Variants in SPAG1 observed in about 807,000 individuals in gnomAD.
The protein encoded by SPAG1 is sperm-associated antigen 1.
SPAG1 carries 69 observed loss-of-function variants against 100.5 expected under a neutral mutation model. That is an observed-to-expected ratio of 0.69 (90% confidence interval 0.57 to 0.84). SPAG1 has a LOEUF of 0.84. Among genes scored for constraint, SPAG1 ranks in the 40% least tolerant of loss-of-function variants. The pLI is 0.00. For missense variants in SPAG1, 955 were observed against 1,133.1 expected, an observed-to-expected ratio of 0.84 and a Z score of 2.26; for synonymous variants, 336 against 411.6, an observed-to-expected ratio of 0.82 and a Z score of 2.22.
In SPAG1 at chr8:100,175,171, T is replaced by C. The variant is rs141182247; in HGVS notation, c.301-2645T>C. On this transcript the variant is annotated intron_variant, in intron 3 of 18. Coordinates refer to ENST00000388798, the MANE Select transcript of SPAG1 (RefSeq NM_003114.5). Reference sequence around the variant, plus strand: ...CCTGGCTTAATGGCTTTTTCTATAATAATGATGGCATCTTCAATGGTGTAG... The same window carrying C: ...CCTGGCTTAATGGCTTTTTCTATAACAATGATGGCATCTTCAATGGTGTAG... Among the ~76,000 whole-genome samples, 907 of 152,098 alleles carry C rather than the reference T, an allele frequency of 6.0e-3. 4 individuals are homozygous for C. The highest frequency in any genetic ancestry group is 9.2e-3 in the Non-Finnish European group (625 of 67,976).
At chr8:100,168,176 G>A (rs1815649224) in intron 3 of SPAG1, among the ~76,000 whole-genome samples, 2 of 152,170 alleles carry the variant, frequency 1.3e-5, no homozygotes, top group Admixed American at 1.3e-4. Flanking sequence ...AATCCTGACA[G>A]CAATATATAA....
chr8:100,166,936 A>C (rs59489005), intron 3 of SPAG1, among the ~76,000 whole-genome samples: 3,309 of 152,210 alleles, frequency 0.022, 104 homozygotes, highest in African/African-American at 0.073. Flanking sequence ...AGAGAAAAAG[A>C]ATTTAAATTG....
At chr8:100,165,300 G>T in intron 2 of SPAG1, 1 of 514,660 alleles carries the variant, frequency 1.9e-6, no homozygotes, top group Non-Finnish European at 3.9e-6. Context: ...GCAGGTCTGT[G>T]CAGGATTTTT....
rs139376770 is a variant in SPAG1 at position 100,225,274 on chromosome 8, C to T, written c.1790C>T (p.Pro597Leu). The T allele has an allele frequency of 3.5e-5, 56 of 1,613,772 alleles. No individual in the cohort carries two copies. In the African/African-American group the frequency reaches 4.7e-4, roughly 13 times the overall value. ...TCTGTGCCACTGCAAGCTTGGCATC[C>T]GGCAAAAGAGATGATCTCAAAACAA... ...PASVPLQAWH[P>L]AKEMISKQAG... The change falls in exon 14 of 19, where the codon CCG (proline) becomes CTG (leucine). Residue 597 changes from proline (P) to leucine (L), a missense_variant. By Grantham distance (98) the Pro-to-Leu change is moderately conservative. Transcript: ENST00000388798.
At chr8:100,175,284 C>CTTT (rs1329134913) in intron 3 of SPAG1, among the ~76,000 whole-genome samples, 4 of 126,410 alleles carry the variant, frequency 3.2e-5, no homozygotes, top group Non-Finnish European at 5.1e-5. Context: ...CAGTGAAGTT[C>CTTT]TTTTTTTTTT....
rs34049816 is a variant in SPAG1, at chr8:100,227,841, A to ATTTTT, written c.1855+2521_1855+2525dup. 8.1e-4 allele frequency among the ~76,000 whole-genome samples: 84 copies of ATTTTT among 103,762 alleles called. 1 individual carries two copies. Among genetic ancestry groups the ATTTTT allele is most frequent in the African/African-American group, 1.6e-3 (40 of 25,326 alleles). The allele number at this position is 103,762 out of a possible 152,430, so 68.1% of individuals were successfully genotyped here. A position where few individuals can be genotyped will look rare whatever the true frequency, so the allele number is the denominator to read the frequency against. On this transcript the variant is annotated intron_variant, in intron 14 of 18. Transcript: ENST00000388798. ...GTACCATTTGACCCTATTGTGTCAGATTTTTTTTTTTTTTTTTTTTTTTGA... is the reference window on the plus strand; with the variant it reads ...GTACCATTTGACCCTATTGTGTCAGATTTTTTTTTTTTTTTTTTTTTTTTTTTTGA...
At chr8:100,232,820 G>A (rs1198724930) in intron 15 of SPAG1, among the ~76,000 whole-genome samples, 6 of 152,128 alleles carry the variant, frequency 3.9e-5, no homozygotes, top group Non-Finnish European at 8.8e-5. Context: ...ATGACTTACA[G>A]TGCCCTTCGT....
intron 6 of SPAG1, among the ~76,000 whole-genome samples, 196 bp from the exon 7 acceptor site, chr8:100,184,432 A>T (rs534031142): frequency 3.2e-4 from 48 of 152,302 alleles, no homozygotes; most frequent in Non-Finnish European, 1.2e-4. Context: ...CATTAAAAAA[A>T]TTCTGAATCC....
In SPAG1 at chr8:100,239,380, G is replaced by C. The variant is rs1478952612; in HGVS notation, c.2256G>C (p.Glu752Asp). ...DKTAPFNKEKERRKIEIQEVN... is the reference protein window; with the variant it reads ...DKTAPFNKEKDRRKIEIQEVN... ...CAGCACCATTCAACAAAGAAAAGGA[G>C]AGAAGGAAAATTGAGATTCAAGAGG... The change falls in exon 17 of 19, where the codon GAG becomes GAC. Residue 752 changes from glutamate (E) to aspartate (D), a missense_variant. Glu to Asp is a conservative substitution (Grantham distance 45). Transcript: ENST00000388798. This position sits in a 1 kb window ranked among gnomAD's most constrained non-coding sequence, Gnocchi z 5.0. The C allele has an allele frequency of 5.0e-6, 8 of 1,606,170 alleles. 1 individual carries two copies. The African/African-American group carries it at 6.7e-5, about 13-fold the overall frequency.
At chr8:100,159,628 C>A (rs1301616841) in intron 1 of SPAG1, among the ~76,000 whole-genome samples, 2 of 152,168 alleles carry the variant, frequency 1.3e-5, no homozygotes, top group Admixed American at 1.3e-4. Context: ...TAACCTCGTG[C>A]ATTTATATAC....
intron 14 of SPAG1, among the ~76,000 whole-genome samples, chr8:100,230,002 C>G (rs769241446): frequency 1.5e-4 from 23 of 152,042 alleles, no homozygotes; most frequent in Non-Finnish European, 2.8e-4. Flanking sequence ...GCCTTAAATC[C>G]CACAGGAAAG....
At chr8:100,198,340 G>A (rs7816720) in intron 10 of SPAG1, among the ~76,000 whole-genome samples, 26,220 of 151,824 alleles carry the variant, frequency 0.17, 2,516 homozygotes, top group Middle Eastern at 0.23. Context: ...TATGTTAGGC[G>A]CCATAAAAAA....
At chr8:100,159,691 ATTTAC>A (rs1408319025) in intron 1 of SPAG1, among the ~76,000 whole-genome samples, 3 of 152,228 alleles carry the variant, frequency 2.0e-5, no homozygotes, top group African/African-American at 7.2e-5. Flanking sequence ...ATAAAGCAAT[ATTTAC>A]TTTAATGTTA....
At chr8:100,233,098 T>C in intron 15 of SPAG1, 2 of 288,620 alleles carry the variant, frequency 6.9e-6, no homozygotes, top group South Asian at 3.4e-5. Flanking sequence ...GCGCCTTGTC[T>C]CAGCCCCACT....
At position 100,240,702 on chromosome 8, in the gene SPAG1, T is replaced by A; in HGVS notation, c.2580T>A (p.Asn860Lys). The A allele has an allele frequency of 6.2e-7, 1 of 1,613,642 alleles. No homozygotes were observed. The highest frequency in any genetic ancestry group is 8.5e-7 in the Non-Finnish European group (1 of 1,179,866). Reference protein sequence around the residue: ...FLLLIQSLKNNLIEKDPSLVY... With the variant: ...FLLLIQSLKNKLIEKDPSLVY... ...TCCTCATTCAGTCTCTGAAAAATAA[T>A]CTTATTGAAAAAGATCCCTCATTGG... is the stretch of plus-strand genomic sequence containing the variant. Residue 860 changes from asparagine to lysine, a missense_variant, in exon 18 of 19, where the codon AAT (asparagine) becomes AAA (lysine). Transcript: ENST00000388798.
intron 7 of SPAG1, among the ~76,000 whole-genome samples, chr8:100,186,060 C>CTTTTTTTTTTTTTTTTTT (rs71274962): frequency 1.1e-5 from 1 of 89,984 alleles, no homozygotes; most frequent in Non-Finnish European, 2.1e-5. Flanking sequence ...TGGGCAGATT[C>CTTTTTTTTTTTTTTTTTT]TTTTTTTTTT....
chr8:100,203,213 C>T (rs1466044637), intron 10 of SPAG1, among the ~76,000 whole-genome samples: 1 of 152,184 alleles, frequency 6.6e-6, no homozygotes, highest in African/African-American at 2.4e-5. Flanking sequence ...TGCCCTCGAA[C>T]ATTAGACTCC....
Position 100,230,939 on chromosome 8 carries a change from A to G in SPAG1, c.1856-217A>G, listed in dbSNP as rs973337263. 2.0e-5 allele frequency among the ~76,000 whole-genome samples: 3 copies of G among 152,120 alleles called. No homozygotes were observed. The East Asian group carries it at 5.8e-4, about 29-fold the overall frequency. ...CCCGGCACTTGTATCTTATTTTCTA[A>G]TTAGAAAATAATAGTATCATAATTA... is the stretch of plus-strand genomic sequence containing the variant. On this transcript the variant is annotated intron_variant, in intron 14 of 18. Transcript: ENST00000388798.
At chr8:100,189,114 C>T (rs1816704245) in intron 8 of SPAG1, among the ~76,000 whole-genome samples, 1 of 150,836 alleles carries the variant, frequency 6.6e-6, no homozygotes. Flanking sequence ...GGCAGATCAC[C>T]TGAGGTTAGG....
Sources: allele counts gnomAD v4.1 joint callset (sites outside exome capture counted in the v4.1 genomes callset), GRCh38; gene constraint gnomAD v4.1.1; non-coding constraint Gnocchi (gnomAD v3.1); transcripts MANE v1.5; gene names NCBI Gene and HGNC (gene_info 2026-07-23, HGNC 2026-07-21).